RAP1GAP2: variants seen among roughly 807,000 people sequenced by gnomAD.
The protein encoded by RAP1GAP2 is RAP1 GTPase activating protein 2.
A neutral mutation model predicts 95.0 loss-of-function variants in RAP1GAP2; 27 were observed. That is an observed-to-expected ratio of 0.28 (90% confidence interval 0.21 to 0.39). RAP1GAP2 has a LOEUF of 0.39. Among genes scored for constraint, RAP1GAP2 ranks in the 10% least tolerant of loss-of-function variants. The pLI is 1.00. For missense variants in RAP1GAP2, 771 were observed against 970.0 expected, an observed-to-expected ratio of 0.79 and a Z score of 2.72; for synonymous variants, 373 against 380.9, an observed-to-expected ratio of 0.98 and a Z score of 0.24.
intron 2 of RAP1GAP2, among the ~76,000 whole-genome samples, chr17:2,890,013 C>G (rs908706624): frequency 2.0e-5 from 3 of 150,874 alleles, no homozygotes; most frequent in African/African-American, 7.3e-5. Flanking sequence ...TGTGAGCCCC[C>G]GCACTGGCCT....
At chr17:2,970,632 A>G (rs938656778) in intron 8 of RAP1GAP2, among the ~76,000 whole-genome samples, 1 of 152,246 alleles carries the variant, frequency 6.6e-6, no homozygotes, top group African/African-American at 2.4e-5. Flanking sequence ...TAATCTTAAT[A>G]TGAATCATGT....
At chr17:2,779,941 G>A (rs1382289497) in intron 1 of RAP1GAP2, among the ~76,000 whole-genome samples, 1 of 152,016 alleles carries the variant, frequency 6.6e-6, no homozygotes, top group Non-Finnish European at 1.5e-5. Context: ...AATGGGAGGG[G>A]GATGAGGTGG....
chr17:3,031,800 A>G (rs1411989671), intron 23 of RAP1GAP2, among the ~76,000 whole-genome samples: 2 of 127,984 alleles, frequency 1.6e-5, no homozygotes, highest in Non-Finnish European at 3.3e-5. Flanking sequence ...TGAGGTGGGA[A>G]GGGCTGGTTC....
At chr17:2,972,905 C>A (rs1419223623) in intron 8 of RAP1GAP2, among the ~76,000 whole-genome samples, 1 of 152,136 alleles carries the variant, frequency 6.6e-6, no homozygotes, top group Non-Finnish European at 1.5e-5. Flanking sequence ...TTGCTACTTG[C>A]CCATAGAAGG....
intron 11 of RAP1GAP2, among the ~76,000 whole-genome samples, chr17:2,989,927 C>G (rs1016526671): frequency 1.3e-5 from 2 of 152,172 alleles, no homozygotes; most frequent in East Asian, 3.9e-4. Context: ...TCCTGCCAAC[C>G]CTAATCTAAT....
chr17:2,991,170 A>C (rs1261829586), intron 11 of RAP1GAP2, 127 bp from the exon 12 acceptor site: 2 of 730,572 alleles, frequency 2.7e-6, no homozygotes, highest in Non-Finnish European at 4.7e-6. Flanking sequence ...GAGGGCAGCT[A>C]TGGTGGATGT....
intron 4 of RAP1GAP2, among the ~76,000 whole-genome samples, chr17:2,961,605 T>C (rs2044329256): frequency 6.6e-6 from 1 of 152,246 alleles, no homozygotes; most frequent in South Asian, 2.1e-4. Flanking sequence ...TAAACTCCCT[T>C]AGTCCAGTCC....
chr17:2,873,078 A>G (rs1426761445), intron 2 of RAP1GAP2, among the ~76,000 whole-genome samples: 9 of 145,186 alleles, frequency 6.2e-5, no homozygotes, highest in Non-Finnish European at 1.1e-4. Context: ...ACTCCAGCCT[A>G]GGGGACAGAC....
rs775012055 is a variant in RAP1GAP2 at position 3,020,526 on chromosome 17, A to G, written c.1682A>G (p.Lys561Arg). 11 of 1,613,888 alleles carry G rather than the reference A, an allele frequency of 6.8e-6. No homozygotes were observed. Among genetic ancestry groups the G allele is most frequent in the Non-Finnish European group, 9.3e-6 (11 of 1,179,866 alleles). ...AAGAACCAGTCACGGAGTCCCATCA[A>G]GCGACGCTCGGGGCTCTTCCCCCGC... ...TVKNQSRSPI[K>R]RRSGLFPRLH... The change falls in exon 19 of 25, where the codon AAG becomes AGG. Residue 561 changes from lysine to arginine, a missense_variant. Physicochemically the swap from Lys to Arg is conservative, Grantham distance 26 (BLOSUM62 2). Coordinates refer to ENST00000254695, the MANE Select transcript of RAP1GAP2 (RefSeq NM_015085.5).
At chr17:3,026,623 C>T (rs1318705189) in intron 21 of RAP1GAP2, among the ~76,000 whole-genome samples, 159 bp downstream of exon 21, 2 of 152,216 alleles carry the variant, frequency 1.3e-5, no homozygotes, top group East Asian at 3.8e-4. Flanking sequence ...CATCACCACC[C>T]CCTGGGCGCA....
chr17:2,896,570 G>A (rs1943259371), intron 2 of RAP1GAP2, among the ~76,000 whole-genome samples: 2 of 152,312 alleles, frequency 1.3e-5, no homozygotes, highest in South Asian at 2.1e-4. Context: ...CTGCTTGTGC[G>A]GTAAAGGCTT....
At chr17:3,026,621 C>A (rs377405940) in intron 21 of RAP1GAP2, among the ~76,000 whole-genome samples, 157 bp downstream of exon 21, 1 of 152,208 alleles carries the variant, frequency 6.6e-6, no homozygotes, top group African/African-American at 2.4e-5. Flanking sequence ...GCCATCACCA[C>A]CCCCTGGGCG....
chr17:2,777,960 G>A (rs1488918316), intron 1 of RAP1GAP2, among the ~76,000 whole-genome samples: 1 of 39,882 alleles, frequency 2.5e-5, no homozygotes, highest in Non-Finnish European at 5.3e-5. Context: ...CTGGGAGGCT[G>A]GGAGGCGGGG....
chr17:2,799,011 T>A lies in RAP1GAP2; in HGVS notation c.45-1504T>A, dbSNP rs189804588. Among the ~76,000 whole-genome samples, 325 of 152,366 alleles carry A rather than the reference T, an allele frequency of 2.1e-3. 1 individual carries two copies. Among genetic ancestry groups the A allele is most frequent in the African/African-American group, 7.4e-3 (306 of 41,582 alleles). On this transcript the variant is annotated intron_variant, in intron 1 of 24. Coordinates refer to ENST00000254695, the MANE Select transcript of RAP1GAP2 (RefSeq NM_015085.5). ...CCTCTCTCTGGGTCTCAGTTTCCCC[T>A]TGTGTCAGTGGGGGATTTCTGCCTT... is the stretch of plus-strand genomic sequence containing the variant.
chr17:2,866,639 C>CA lies in RAP1GAP2; in HGVS notation c.81-38645_81-38644insA, dbSNP rs2072624423. ...TTTTTGAGGCAGCATCTCCCTCTGT[C>CA]GCCAGGCTGGAGTGCAGTGGTGCGA... On this transcript the variant is annotated intron_variant, in intron 2 of 24. Coordinates refer to ENST00000254695, the MANE Select transcript of RAP1GAP2 (RefSeq NM_015085.5). This position sits in a 1 kb window ranked among gnomAD's most constrained non-coding sequence, Gnocchi z 4.0. Among the ~76,000 whole-genome samples the CA allele has an allele frequency of 1.3e-5, 2 of 152,026 alleles. No homozygotes were observed. Among genetic ancestry groups the CA allele is most frequent in the South Asian group, 2.1e-4 (1 of 4,818 alleles).
chr17:2,888,640 C>A (rs1295170941), intron 2 of RAP1GAP2, among the ~76,000 whole-genome samples: 1 of 137,322 alleles, frequency 7.3e-6, no homozygotes, highest in African/African-American at 2.8e-5. Flanking sequence ...ATATATACCA[C>A]CTTTTCTTTT....
intron 3 of RAP1GAP2, among the ~76,000 whole-genome samples, chr17:2,938,644 A>AT (rs1313932340): frequency 1.3e-5 from 2 of 152,102 alleles, no homozygotes; most frequent in East Asian, 1.9e-4. Context: ...AACCATGTTA[A>AT]TTTTTTTTAA....
intron 17 of RAP1GAP2, among the ~76,000 whole-genome samples, chr17:3,012,620 A>C (rs1406752260): frequency 2.6e-5 from 4 of 151,540 alleles, no homozygotes; most frequent in Admixed American, 1.3e-4. Flanking sequence ...AAAAAAAAAA[A>C]AAAAAAAAAA....
intron 2 of RAP1GAP2, among the ~76,000 whole-genome samples, chr17:2,817,673 A>G (rs1281168088): frequency 8.5e-6 from 1 of 117,564 alleles, no homozygotes. Context: ...GGCGCCTGCC[A>G]CCACACACGG....
Sources: gnomAD v4.1 joint callset for allele counts (sites outside exome capture counted in the v4.1 genomes callset) on GRCh38, gnomAD v4.1.1 for gene constraint, Gnocchi (gnomAD v3.1) non-coding constraint, MANE v1.5 for transcripts, NCBI Gene and HGNC (gene_info 2026-07-23, HGNC 2026-07-21) for gene names.